NAT1: variants seen among roughly 807,000 people sequenced by gnomAD.
The protein encoded by NAT1 is arylamine N-acetyltransferase 1.
For missense variants in NAT1, 400 were observed against 339.2 expected (o/e 1.18, Z -1.41); for synonymous variants, 144 against 122.6 (o/e 1.17, Z -1.16).
upstream of NAT1, among the ~76,000 whole-genome samples, chr8:18,209,425 A>C (rs1803882446): frequency 6.6e-6 from 1 of 152,262 alleles, no homozygotes; most frequent in South Asian, 2.1e-4. Flanking sequence ...ATGTATAAGA[A>C]CACCACATTG....
intron 2 of NAT1, among the ~76,000 whole-genome samples, chr8:18,193,313 T>C (rs1475429280): frequency 6.7e-6 from 1 of 150,226 alleles, no homozygotes; most frequent in Admixed American, 6.6e-5. Context: ...ACTCCTGGGC[T>C]CAAGTGATGC....
intron 2 of NAT1, among the ~76,000 whole-genome samples, chr8:18,180,990 C>T (rs1802488306): frequency 6.6e-6 from 1 of 151,962 alleles, no homozygotes; most frequent in Non-Finnish European, 1.5e-5. Context: ...TATTCAGGGT[C>T]TTTTGTAGTT....
intron 2 of NAT1, among the ~76,000 whole-genome samples, chr8:18,173,793 AG>A (rs1425091168): frequency 6.6e-6 from 1 of 152,112 alleles, no homozygotes; most frequent in African/African-American, 2.4e-5. Context: ...CCTTTTAACA[AG>A]CAAATATTCT....
chr8:18,196,907 C>T (rs533666027), intron 2 of NAT1, among the ~76,000 whole-genome samples: 30 of 152,182 alleles, frequency 2.0e-4, no homozygotes, highest in African/African-American at 7.0e-4. Context: ...TGTATTAGTC[C>T]GTTCTCACAC....
At chr8:18,213,688 T>C (rs916049324) in intron 1 of NAT1, among the ~76,000 whole-genome samples, 11 of 152,192 alleles carry the variant, frequency 7.2e-5, no homozygotes, top group Admixed American at 3.9e-4. Flanking sequence ...CTATCTGTTC[T>C]AATAAACTTT....
upstream of NAT1, among the ~76,000 whole-genome samples, chr8:18,206,231 G>A (rs1387969936): frequency 1.3e-5 from 2 of 152,148 alleles, no homozygotes; most frequent in African/African-American, 4.8e-5. Flanking sequence ...GGGGCACAGG[G>A]ACAACACCAG....
At chr8:18,218,634 G>C (rs940054155) in intron 1 of NAT1, among the ~76,000 whole-genome samples, 1 of 152,138 alleles carries the variant, frequency 6.6e-6, no homozygotes, top group Non-Finnish European at 1.5e-5. Context: ...CTCCCAATTT[G>C]TTTGTCATGG....
chr8:18,216,844 A>G (rs1398907577), intron 1 of NAT1: 1 of 1,318,082 alleles, frequency 7.6e-7, no homozygotes, highest in Non-Finnish European at 1.1e-6. Flanking sequence ...GTAAGGGGGA[A>G]CTCATAAGAA....
Position 18,222,819 on chromosome 8 carries a change from C to CT in NAT1, c.773dup (p.Ser259GlufsTer2). On this transcript the variant is annotated frameshift_variant, in exon 3 of 3. Transcript: ENST00000307719. LOFTEE classifies it low-confidence loss of function (END_TRUNC). ...TACAGATCTAATAGAGTTCAAGACT[C>CT]TGAGTGAGGAAGAAATAGAAAAAGT... 6.2e-7 allele frequency: 1 copy of CT among 1,607,556 alleles called. No homozygotes were observed. The highest frequency in any genetic ancestry group is 8.5e-7 in the Non-Finnish European group (1 of 1,177,750).
chr8:18,200,326 A>T (rs113177372), intron 2 of NAT1, among the ~76,000 whole-genome samples: 185 of 152,096 alleles, frequency 1.2e-3, no homozygotes, highest in African/African-American at 3.6e-3. Context: ...ATTAAAAAAA[A>T]ATATACAAAA....
chr8:18,207,277 C>T (rs1180367220), upstream of NAT1, among the ~76,000 whole-genome samples: 1 of 152,094 alleles, frequency 6.6e-6, no homozygotes, highest in Non-Finnish European at 1.5e-5. Flanking sequence ...TTATTGTAAC[C>T]TTGTAGTATG....
intron 2 of NAT1, among the ~76,000 whole-genome samples, chr8:18,193,067 ATTTTTTTTTTT>A (rs1167481551): frequency 5.0e-5 from 4 of 79,606 alleles, no homozygotes; most frequent in African/African-American, 5.7e-5. Context: ...ATGAATTAGA[ATTTTTTTTTTT>A]TTTTTTTTTT....
At chr8:18,206,111 A>G (rs1032177793), upstream of NAT1, among the ~76,000 whole-genome samples, 2 of 152,166 alleles carry the variant, frequency 1.3e-5, no homozygotes, top group Admixed American at 6.5e-5. Flanking sequence ...CTCCCTGCCA[A>G]CTTGTGTCTA....
Position 18,223,070 on chromosome 8 carries a change from A to C in NAT1, c.*150A>C. The C allele has an allele frequency of 2.5e-6, 1 of 403,834 alleles. No individual in the cohort carries two copies. The highest frequency in any genetic ancestry group is 4.2e-6 in the Non-Finnish European group (1 of 237,138). 25.0% of individuals were successfully genotyped at this position (403,834 alleles called of 1,614,324 possible). A position where few individuals can be genotyped will look rare whatever the true frequency, so the allele number is the denominator to read the frequency against. Reference sequence around the variant, plus strand: ...ACCTATAAAAATGTCATCATATATAATTAAACAGCTTTTTAAAGAAACATA... The same window carrying C: ...ACCTATAAAAATGTCATCATATATACTTAAACAGCTTTTTAAAGAAACATA... On this transcript the variant is annotated 3_prime_UTR_variant, in exon 3 of 3. Coordinates refer to ENST00000307719, the MANE Select transcript of NAT1 (RefSeq NM_000662.8).
intron 1 of NAT1, among the ~76,000 whole-genome samples, chr8:18,217,475 C>T (rs929158093): frequency 6.6e-6 from 1 of 152,220 alleles, no homozygotes; most frequent in Non-Finnish European, 1.5e-5. Context: ...CATCCACATA[C>T]TGAACGAGTG....
At chr8:18,185,418 T>A (rs931083134) in intron 2 of NAT1, among the ~76,000 whole-genome samples, 1 of 152,146 alleles carries the variant, frequency 6.6e-6, no homozygotes, top group Non-Finnish European at 1.5e-5. Context: ...TTACCAAAAT[T>A]TTCAAACTTA....
chr8:18,201,330 C>T (rs1589086560), intron 2 of NAT1: 1 of 152,060 alleles, frequency 6.6e-6, no homozygotes, highest in East Asian at 1.9e-4. Context: ...AGGGCTAAGA[C>T]AGTAATTAAA....
chr8:18,204,658 A>C (rs1803631445), intron 2 of NAT1, among the ~76,000 whole-genome samples: 1 of 152,222 alleles, frequency 6.6e-6, no homozygotes, highest in Non-Finnish European at 1.5e-5. Context: ...AGATATAGAC[A>C]GTTCAAAATT....
intron 2 of NAT1, among the ~76,000 whole-genome samples, chr8:18,171,931 C>T (rs28383664): frequency 0.029 from 4,396 of 152,314 alleles, 196 homozygotes; most frequent in African/African-American, 0.1. Flanking sequence ...ATTTTTCTTG[C>T]ATGTTCCACA....
Sources: allele counts gnomAD v4.1 joint callset (sites outside exome capture counted in the v4.1 genomes callset), GRCh38; gene constraint gnomAD v4.1.1; transcripts MANE v1.5; gene names NCBI Gene and HGNC (gene_info 2026-07-23, HGNC 2026-07-21).